The following BCL2L13 variants were observed in gnomAD, a reference collection of about 807,000 sequenced individuals.
The protein encoded by BCL2L13 is BCL2 like 13.
BCL2L13 carries 13 observed loss-of-function variants against 25.8 expected under a neutral mutation model. That is an observed-to-expected ratio of 0.50 (90% CI 0.33 to 0.80). The LOEUF (loss-of-function observed/expected upper bound fraction) is 0.80. BCL2L13 is among the 30% of genes least tolerant of loss of function. The pLI, the probability that BCL2L13 is intolerant of heterozygous loss-of-function variation, is 0.02. For synonymous variants in BCL2L13, 244 were observed against 230.3 expected, an observed-to-expected ratio of 1.06 and a Z score of -0.54; for missense variants, 504 against 574.9, an observed-to-expected ratio of 0.88 and a Z score of 1.26.
intron 6 of BCL2L13, among the ~76,000 whole-genome samples, chr22:17,724,719 A>T (rs989875544): frequency 1.3e-5 from 2 of 152,268 alleles, no homozygotes; most frequent in African/African-American, 4.8e-5. Context: ...TCATAAAATG[A>T]AGTAGAAATT....
intron 2 of BCL2L13, among the ~76,000 whole-genome samples, chr22:17,675,576 T>C (rs2059554071): frequency 6.6e-6 from 1 of 152,192 alleles, no homozygotes; most frequent in Non-Finnish European, 1.5e-5. Flanking sequence ...AAGGATTGAT[T>C]TCTCTTAAAA....
chr22:17,701,477 A>G (rs2060432533), intron 5 of BCL2L13, among the ~76,000 whole-genome samples: 1 of 152,228 alleles, frequency 6.6e-6, no homozygotes, highest in East Asian at 1.9e-4. Context: ...CACAAATGGT[A>G]CTGTATGTAT....
upstream of BCL2L13, among the ~76,000 whole-genome samples, chr22:17,634,346 C>T (rs1293845823): frequency 6.6e-6 from 1 of 151,930 alleles, no homozygotes; most frequent in African/African-American, 2.4e-5. Context: ...CCACCATGCC[C>T]GGCTAATTTT....
intron 2 of BCL2L13, among the ~76,000 whole-genome samples, chr22:17,658,715 T>G (rs5747313): frequency 0.85 from 118,393 of 139,422 alleles, 50,364 homozygotes; most frequent in East Asian, 0.93. Context: ...AAAAAAAAAA[T>G]ATTTTCTATT....
In BCL2L13 at chr22:17,727,322, G is replaced by A. The variant is rs1034245755; in HGVS notation, c.1246G>A (p.Ala416Thr). The A allele has an allele frequency of 6.2e-6, 10 of 1,614,124 alleles. No homozygotes were observed. The African/African-American group carries it at 8.0e-5, about 13-fold the overall frequency. The change falls in exon 7 of 7, where the codon GCA becomes ACA. Residue 416 changes from alanine to threonine, a missense_variant. Physicochemically the swap from Ala to Thr is moderately conservative, Grantham distance 58 (BLOSUM62 0). Coordinates refer to ENST00000317582, the MANE Select transcript of BCL2L13 (RefSeq NM_015367.4). The part of the protein sequence containing the change: ...ETLLSEKEIN[A>T]REESLVEELS... ...GCTGCTGAGTGAGAAGGAGATAAAC[G>A]CAAGGGAAGAGAGCCTTGTGGAAGA...
rs752020369 is a variant in BCL2L13 at position 17,702,326 on chromosome 22, G to A, written c.540G>A (p.Gln180=). 8 of 1,612,490 alleles carry A rather than the reference G, an allele frequency of 5.0e-6. No individual in the cohort carries two copies. The African/African-American group carries it at 1.1e-4, about 22-fold the overall frequency. The change falls in exon 6 of 7, where the codon CAG becomes CAA. Residue 180 remains glutamine (Q), a synonymous_variant. Coordinates refer to ENST00000317582, the MANE Select transcript of BCL2L13 (RefSeq NM_015367.4). The stretch of plus-strand genomic sequence containing the variant: ...AAGAACCTTTGAGCGCACTGCTGCA[G>A]TTTGGCGTGACATACCTGGAGGACT... ...RGQEPLSALL[Q]FGVTYLEDYS...
At chr22:17,637,673 C>G (rs573595291), upstream of BCL2L13, among the ~76,000 whole-genome samples, 15 of 152,116 alleles carry the variant, frequency 9.9e-5, no homozygotes, top group African/African-American at 3.6e-4. Context: ...CCACCACACC[C>G]GGCCTGTACT....
At chr22:17,658,812 A>C (rs1274477615) in intron 2 of BCL2L13, among the ~76,000 whole-genome samples, 1 of 151,788 alleles carries the variant, frequency 6.6e-6, no homozygotes. Flanking sequence ...TAATCCCAGC[A>C]CTTTGGGAGG....
chr22:17,663,034 CTAATTTT>C (rs1391906819), intron 2 of BCL2L13, among the ~76,000 whole-genome samples: 1 of 152,038 alleles, frequency 6.6e-6, no homozygotes, highest in Non-Finnish European at 1.5e-5. Context: ...CCATGCCCAG[CTAATTTT>C]TAAACTTTTT....
chr22:17,642,426 T>G (rs1328549298), intron 1 of BCL2L13, among the ~76,000 whole-genome samples: 1 of 152,218 alleles, frequency 6.6e-6, no homozygotes, highest in Non-Finnish European at 1.5e-5. Context: ...CCCAAAGTGC[T>G]GGGATTACTG....
chr22:17,665,723 T>C (rs78522565), intron 2 of BCL2L13, among the ~76,000 whole-genome samples: 7,056 of 152,296 alleles, frequency 0.046, 211 homozygotes, highest in African/African-American at 0.074. Context: ...TTCTGATTTC[T>C]CCATATTCTT....
chr22:17,681,498 GA>G (rs58442419), intron 2 of BCL2L13, among the ~76,000 whole-genome samples: 352 of 135,074 alleles, frequency 2.6e-3, no homozygotes, highest in African/African-American at 6.2e-3. Context: ...GACTCCGTCT[GA>G]AAAAAAAAAA....
chr22:17,721,180 A>AT (rs1555897640), intron 6 of BCL2L13, among the ~76,000 whole-genome samples: 2,192 of 151,298 alleles, frequency 0.014, 60 homozygotes, highest in African/African-American at 0.049. Context: ...AAAAAAAAAA[A>AT]ATATATATAT....
chr22:17,688,869 G>A, intron 3 of BCL2L13, 117 bp from the exon 4 acceptor site: 1 of 909,184 alleles, frequency 1.1e-6, no homozygotes, highest in South Asian at 2.2e-5. Flanking sequence ...CTGGGTTCAA[G>A]TGATTCTCCT....
rs150960627 is a variant in BCL2L13, at chr22:17,631,383, C to T, written c.-650+2378C>T. On this transcript the variant is annotated intron_variant, in intron 1 of 6. Coordinates refer to the BCL2L13 transcript ENST00000399782. ...AAGTGCTGGGATGACAGGTGTGAGCCACCACGCCCAGCCTCAATTGGGTTT... is the reference window on the plus strand; with the variant it reads ...AAGTGCTGGGATGACAGGTGTGAGCTACCACGCCCAGCCTCAATTGGGTTT... Among the ~76,000 whole-genome samples, 823 of 152,090 alleles carry T rather than the reference C, an allele frequency of 5.4e-3. 9 individuals are homozygous for T. Among genetic ancestry groups the T allele is most frequent in the African/African-American group, 0.019 (777 of 41,468 alleles).
At chr22:17,646,827 C>G (rs1475919995) in intron 1 of BCL2L13, among the ~76,000 whole-genome samples, 24 of 134,916 alleles carry the variant, frequency 1.8e-4, no homozygotes, top group African/African-American at 6.3e-4. Flanking sequence ...TCAAGTGATT[C>G]TCCTGCCTCA....
At chr22:17,632,754 T>TC (rs1219917142) in intron 1 of BCL2L13, among the ~76,000 whole-genome samples, 1 of 143,686 alleles carries the variant, frequency 7.0e-6, no homozygotes, top group East Asian at 2.0e-4. Flanking sequence ...TTCTTCTTCT[T>TC]TTTTTTTTTT....
chr22:17,650,815 C>A (rs888452479), intron 1 of BCL2L13, among the ~76,000 whole-genome samples: 1 of 151,512 alleles, frequency 6.6e-6, no homozygotes, highest in South Asian at 2.1e-4. Flanking sequence ...TCAAGCTATC[C>A]TCCCATCTCG....
chr22:17,703,020 TG>T (rs764631580), intron 6 of BCL2L13: 2 of 152,084 alleles, frequency 1.3e-5, no homozygotes, highest in Non-Finnish European at 2.9e-5. Context: ...CTGGGCTTGG[TG>T]GCATGTGCCT....
Sources: gnomAD v4.1 joint callset for allele counts (sites outside exome capture counted in the v4.1 genomes callset) on GRCh38, gnomAD v4.1.1 for gene constraint, MANE v1.5 for transcripts, NCBI Gene and HGNC (gene_info 2026-07-23, HGNC 2026-07-21) for gene names.